The following FGF12 variants were observed in gnomAD, a reference collection of about 807,000 sequenced individuals.
FGF12 encodes fibroblast growth factor 12.
In FGF12, 14 loss-of-function variants were observed where a neutral mutation model predicts 23.6. The observed-to-expected ratio is 0.59, with a 90% CI of 0.39 to 0.93. The LOEUF is 0.93. Ranked by LOEUF, FGF12 falls within the 40% of genes least tolerant of loss-of-function variation. The probability of loss-of-function intolerance (pLI) is 0.00; values close to 1 mark genes in which losing one functional copy is unlikely to be tolerated. For missense variants in FGF12, 175 were observed against 217.8 expected (o/e 0.80, Z 1.24); for synonymous variants, 62 against 77.3 (o/e 0.80, Z 1.04).
At chr3:192,720,018 C>G (rs1330307531) in intron 2 of FGF12, among the ~76,000 whole-genome samples, 4 of 152,252 alleles carry the variant, frequency 2.6e-5, no homozygotes, top group African/African-American at 9.6e-5. Context: ...ATTGGCATTG[C>G]TGCCTCTTCC....
intron 2 of FGF12, among the ~76,000 whole-genome samples, chr3:192,652,210 T>C (rs1716238247): frequency 6.6e-6 from 1 of 152,170 alleles, no homozygotes; most frequent in South Asian, 2.1e-4. Context: ...CAAGGAACTA[T>C]GGGAACCCAT....
chr3:192,465,401 T>A (rs937198499), intron 2 of FGF12, among the ~76,000 whole-genome samples: 2 of 152,090 alleles, frequency 1.3e-5, no homozygotes, highest in African/African-American at 4.8e-5. Flanking sequence ...TAAAACCATA[T>A]TGATAAAAAT....
rs1215715332 is a variant in FGF12, at chr3:192,415,743, C to T, written c.14-55205G>A. ...CTTCTCTCTCTCTCTCACACACACA[C>T]ACACACACACACACACACACACACA... On this transcript the variant is annotated intron_variant, in intron 2 of 5. Coordinates refer to ENST00000445105, the MANE Select transcript of FGF12 (RefSeq NM_004113.6). 4.8e-3 allele frequency among the ~76,000 whole-genome samples: 728 copies of T among 150,608 alleles called. 9 individuals are homozygous for T. The highest frequency in any genetic ancestry group is 0.017 in the African/African-American group (686 of 41,014).
At chr3:192,491,637 T>C (rs1026671100) in intron 2 of FGF12, among the ~76,000 whole-genome samples, 4 of 152,180 alleles carry the variant, frequency 2.6e-5, no homozygotes, top group Non-Finnish European at 5.9e-5. Flanking sequence ...AAAATTGCTA[T>C]GTATCTCAAG....
chr3:192,656,280 GACACACACAC>G (rs61645270), intron 2 of FGF12, among the ~76,000 whole-genome samples: 1,805 of 110,498 alleles, frequency 0.016, 39 homozygotes, highest in African/African-American at 0.053. Context: ...AAGGTGAAAA[GACACACACAC>G]ACACACACAC....
intron 4 of FGF12, among the ~76,000 whole-genome samples, chr3:192,243,121 A>T (rs974234799): frequency 2.0e-5 from 3 of 152,112 alleles, no homozygotes; most frequent in African/African-American, 7.2e-5. Context: ...AATACCAGGT[A>T]CTTAAACAGG....
intron 4 of FGF12, among the ~76,000 whole-genome samples, chr3:192,232,434 A>G (rs1416227090): frequency 1.3e-5 from 2 of 152,174 alleles, no homozygotes; most frequent in African/African-American, 4.8e-5. Context: ...AATATCAGGA[A>G]AGAGTTCTCA....
chr3:192,201,004 A>T (rs1332468420), intron 4 of FGF12, among the ~76,000 whole-genome samples: 1 of 152,158 alleles, frequency 6.6e-6, no homozygotes, highest in Non-Finnish European at 1.5e-5. Context: ...AAAAGCACAG[A>T]AAGTTTTCAT....
intron 4 of FGF12, among the ~76,000 whole-genome samples, chr3:192,330,950 C>A (rs899611799): frequency 6.6e-6 from 1 of 151,938 alleles, no homozygotes; most frequent in Non-Finnish European, 1.5e-5. Context: ...ATTTGCAAAT[C>A]ATATATCTGA....
chr3:192,477,983 CTT>C (rs1226384142), intron 2 of FGF12, among the ~76,000 whole-genome samples: 2 of 152,150 alleles, frequency 1.3e-5, no homozygotes, highest in African/African-American at 2.4e-5. Flanking sequence ...TAGGTTACCT[CTT>C]TGTGTGACTG....
chr3:192,323,238 T>C (rs1716640890), intron 4 of FGF12, among the ~76,000 whole-genome samples: 2 of 152,066 alleles, frequency 1.3e-5, no homozygotes, highest in Non-Finnish European at 2.9e-5. Flanking sequence ...AGAAAGGAAA[T>C]AGGTATATCA....
chr3:192,365,206 G>A lies in FGF12; in HGVS notation c.14-4668C>T, dbSNP rs969788436. ...ATAGGCCCGTTTCGAAATATCACTT[G>A]TACCCTACAAATATATACACCCACC... On this transcript the variant is annotated intron_variant, in intron 2 of 5. Coordinates refer to ENST00000445105, the MANE Select transcript of FGF12 (RefSeq NM_004113.6). Among the ~76,000 whole-genome samples, 11 of 150,734 alleles carry A rather than the reference G, an allele frequency of 7.3e-5. No homozygotes were observed. In the Admixed American group the frequency reaches 7.3e-4, roughly 10 times the overall value.
At chr3:192,570,593 A>C (rs1032431117) in intron 2 of FGF12, among the ~76,000 whole-genome samples, 1 of 152,112 alleles carries the variant, frequency 6.6e-6, no homozygotes, top group Non-Finnish European at 1.5e-5. Flanking sequence ...GAAACAGAAA[A>C]CATACCAGAG....
chr3:192,426,885 G>A (rs1721702544), intron 2 of FGF12, among the ~76,000 whole-genome samples: 1 of 152,100 alleles, frequency 6.6e-6, no homozygotes, highest in South Asian at 2.1e-4. Context: ...AGAAACGTAG[G>A]TTAATTACTA....
At chr3:192,513,811 A>G (rs1288054935) in intron 2 of FGF12, among the ~76,000 whole-genome samples, 4 of 152,228 alleles carry the variant, frequency 2.6e-5, no homozygotes, top group Non-Finnish European at 4.4e-5. Flanking sequence ...AAGGAAAATC[A>G]AGACACAGAA....
In FGF12 at chr3:192,354,472, C is replaced by T. The variant is rs145726201; in HGVS notation, c.124+5956G>A. Among the ~76,000 whole-genome samples, 976 of 150,924 alleles carry T rather than the reference C, an allele frequency of 6.5e-3. 8 individuals are homozygous for T. Among genetic ancestry groups the T allele is most frequent in the African/African-American group, 0.023 (929 of 41,038 alleles). ...AATAAAGCATGGCAAAAAAAAATAT[C>T]GGAGGCAACAGAATTAGAAAAAAAA... On this transcript the variant is annotated intron_variant, in intron 3 of 5. Transcript: ENST00000445105.
chr3:192,328,241 T>C (rs1480825833), intron 4 of FGF12, among the ~76,000 whole-genome samples: 6 of 152,210 alleles, frequency 3.9e-5, no homozygotes, highest in South Asian at 2.1e-4. Context: ...AGGTAATTTG[T>C]GTTTTCCTGA....
At chr3:192,369,201 G>T (rs1260647206) in intron 2 of FGF12, among the ~76,000 whole-genome samples, 1 of 152,220 alleles carries the variant, frequency 6.6e-6, no homozygotes, top group African/African-American at 2.4e-5. Flanking sequence ...CTGAAGGAAT[G>T]AAAGTAATAA....
chr3:192,706,509 C>T (rs9859403), intron 2 of FGF12, among the ~76,000 whole-genome samples: 65,475 of 151,718 alleles, frequency 0.43, 14,770 homozygotes, highest in East Asian at 0.65. Context: ...TTTCTGTCCT[C>T]TCCAATTTAC....
Sources: gnomAD v4.1 joint callset for allele counts (sites outside exome capture counted in the v4.1 genomes callset) on GRCh38, gnomAD v4.1.1 for gene constraint, MANE v1.5 for transcripts, NCBI Gene and HGNC (gene_info 2026-07-23, HGNC 2026-07-21) for gene names.